The following PDZRN4 variants were observed in gnomAD, a reference collection of about 807,000 sequenced individuals.
The protein encoded by PDZRN4 is PDZ domain containing ring finger 4, also known as PDZ domain-containing RING finger protein 4.
In PDZRN4, 70 loss-of-function variants were observed where a neutral mutation model predicts 99.0. The observed-to-expected ratio is 0.71, with a 90% CI of 0.58 to 0.86. The LOEUF is 0.86. PDZRN4 is among the 40% of genes least tolerant of loss of function. The pLI, the probability that PDZRN4 is intolerant of heterozygous loss-of-function variation, is 0.00. For missense variants in PDZRN4, 1,474 were observed against 1,331.2 expected (o/e 1.11, Z -1.67); for synonymous variants, 551 against 501.6 (o/e 1.10, Z -1.32).
chr12:41,346,565 C>T (rs972506988), intron 3 of PDZRN4, among the ~76,000 whole-genome samples: 1 of 152,036 alleles, frequency 6.6e-6, no homozygotes, highest in African/African-American at 2.4e-5. Context: ...TTCCTTTAAG[C>T]ATTATTTTTT....
At chr12:41,235,746 A>C (rs923315049) in intron 3 of PDZRN4, among the ~76,000 whole-genome samples, 1 of 152,232 alleles carries the variant, frequency 6.6e-6, no homozygotes, top group Non-Finnish European at 1.5e-5. Flanking sequence ...GCCATTTGGC[A>C]TACAGGCAAT....
chr12:41,198,567 G>T (rs937396821), intron 3 of PDZRN4, among the ~76,000 whole-genome samples: 2 of 139,684 alleles, frequency 1.4e-5, no homozygotes, highest in Non-Finnish European at 3.1e-5. Context: ...CTTTTCTTTA[G>T]AAATAGTTCC....
chr12:41,188,469 T>C lies in PDZRN4; in HGVS notation c.14T>C (p.Leu5Pro), dbSNP rs758858657. Residue 5 changes from leucine to proline, a missense_variant, in exon 1 of 10, where the codon CTG (leucine) becomes CCG (proline). Physicochemically the swap from Leu to Pro is moderately conservative, Grantham distance 98. Transcript: ENST00000402685. MGFALERFAEAVDPA... is the reference protein window; with the variant it reads MGFAPERFAEAVDPA... The stretch of plus-strand genomic sequence containing the variant: ...CCCATCCCTAACATGGGCTTTGCCC[T>C]GGAGCGCTTCGCAGAAGCCGTGGAC... The C allele has an allele frequency of 1.4e-5, 22 of 1,590,676 alleles. No individual in the cohort carries two copies. The East Asian group carries it at 5.0e-4, about 36-fold the overall frequency.
At chr12:41,207,473 T>C (rs564795279) in intron 3 of PDZRN4, among the ~76,000 whole-genome samples, 2 of 151,944 alleles carry the variant, frequency 1.3e-5, no homozygotes, top group African/African-American at 2.4e-5. Flanking sequence ...CATATTTATA[T>C]AATTAAATAT....
At position 41,268,519 on chromosome 12, in the gene PDZRN4, A is replaced by G. The variant is rs143738211; in HGVS notation, c.843+74331A>G. Among the ~76,000 whole-genome samples, 4 of 152,340 alleles carry G rather than the reference A, an allele frequency of 2.6e-5. No individual in the cohort carries two copies. In the East Asian group the frequency reaches 7.7e-4, roughly 29 times the overall value. The stretch of plus-strand genomic sequence containing the variant: ...TAAACAAATTAGAATTACCAGTGCT[A>G]GACTTTTTAACATGGTCTCATTATT... On this transcript the variant is annotated intron_variant, in intron 3 of 9. Transcript: ENST00000402685.
intron 7 of PDZRN4, among the ~76,000 whole-genome samples, chr12:41,562,522 T>C (rs2120831973): frequency 6.6e-6 from 1 of 152,246 alleles, no homozygotes; most frequent in East Asian, 1.9e-4. Context: ...AATTACTTGA[T>C]CTCTTTAATT....
At chr12:41,531,461 A>G (rs1232989879) in intron 5 of PDZRN4, among the ~76,000 whole-genome samples, 2 of 152,124 alleles carry the variant, frequency 1.3e-5, no homozygotes, top group African/African-American at 2.4e-5. Context: ...TCTTCCGCCA[A>G]TCTGCTCCTC....
chr12:41,303,365 C>G (rs1951549842), intron 3 of PDZRN4, among the ~76,000 whole-genome samples: 1 of 152,158 alleles, frequency 6.6e-6, no homozygotes, highest in South Asian at 2.1e-4. Context: ...GGTTTGATCA[C>G]AGTTATGTAT....
At chr12:41,394,284 T>C (rs986234338) in intron 3 of PDZRN4, among the ~76,000 whole-genome samples, 1 of 152,112 alleles carries the variant, frequency 6.6e-6, no homozygotes, top group Non-Finnish European at 1.5e-5. Flanking sequence ...GGTTAGGATT[T>C]CAGTATATGA....
At chr12:41,294,784 G>A (rs991019408) in intron 3 of PDZRN4, among the ~76,000 whole-genome samples, 4 of 151,986 alleles carry the variant, frequency 2.6e-5, no homozygotes, top group African/African-American at 9.7e-5. Context: ...GGAAGATAAG[G>A]TTTAAGAGAT....
intron 3 of PDZRN4, among the ~76,000 whole-genome samples, chr12:41,247,725 C>A (rs760851734): frequency 4.6e-5 from 7 of 152,058 alleles, no homozygotes; most frequent in Non-Finnish European, 8.8e-5. Flanking sequence ...ATCTCCCATC[C>A]TTTTAATAAA....
intron 3 of PDZRN4, among the ~76,000 whole-genome samples, chr12:41,255,446 GT>G (rs1951197874): frequency 2.0e-5 from 3 of 151,726 alleles, no homozygotes; most frequent in South Asian, 4.2e-4. Flanking sequence ...GTTTTGTTTT[GT>G]TTTTGGTAAG....
intron 3 of PDZRN4, among the ~76,000 whole-genome samples, chr12:41,198,083 T>C (rs1044955989): frequency 6.6e-6 from 1 of 151,642 alleles, no homozygotes; most frequent in Non-Finnish European, 1.5e-5. Flanking sequence ...CCTGGCTAAT[T>C]TTTTAAAAAT....
chr12:41,453,800 A>T (rs1276949828), intron 3 of PDZRN4, among the ~76,000 whole-genome samples: 2 of 151,816 alleles, frequency 1.3e-5, no homozygotes, highest in Admixed American at 1.3e-4. Flanking sequence ...TCCAGTACCA[A>T]CAAGAGATTT....
chr12:41,371,977 C>T lies in PDZRN4; in HGVS notation c.844-134479C>T, dbSNP rs185818260. ...CTTTATTCCCTGCAAGTCTATACTC[C>T]TACTAGATGTCAGCCTCCTGAGGAA... On this transcript the variant is annotated intron_variant, in intron 3 of 9. Transcript: ENST00000402685. 5.3e-4 allele frequency among the ~76,000 whole-genome samples: 80 copies of T among 152,204 alleles called. No homozygotes were observed. The South Asian group carries it at 0.011, about 22-fold the overall frequency.
intron 3 of PDZRN4, among the ~76,000 whole-genome samples, chr12:41,407,083 C>T (rs75008064): frequency 0.027 from 4,089 of 152,196 alleles, 77 homozygotes; most frequent in Non-Finnish European, 0.041. Flanking sequence ...AACTTATAGT[C>T]CCCATGGACC....
At chr12:41,464,598 A>G (rs2072750391) in intron 3 of PDZRN4, among the ~76,000 whole-genome samples, 1 of 152,208 alleles carries the variant, frequency 6.6e-6, no homozygotes, top group Admixed American at 6.5e-5. Context: ...ATGTTTTGCA[A>G]CAGGGTTTAC....
intron 3 of PDZRN4, among the ~76,000 whole-genome samples, chr12:41,393,865 C>A (rs1414642160): frequency 6.6e-6 from 1 of 152,176 alleles, no homozygotes; most frequent in Non-Finnish European, 1.5e-5. Flanking sequence ...TCAACTGGAA[C>A]TGATAACCAG....
intron 3 of PDZRN4, among the ~76,000 whole-genome samples, chr12:41,306,160 G>A (rs1346014458): frequency 1.3e-5 from 2 of 152,170 alleles, no homozygotes; most frequent in African/African-American, 4.8e-5. Flanking sequence ...AGGCCCACTA[G>A]GGTGGCAACA....
Sources: gnomAD v4.1 joint callset for allele counts (sites outside exome capture counted in the v4.1 genomes callset) on GRCh38, gnomAD v4.1.1 for gene constraint, MANE v1.5 for transcripts, NCBI Gene and HGNC (gene_info 2026-07-23, HGNC 2026-07-21) for gene names.